SNAPC1: variants seen among roughly 807,000 people sequenced by gnomAD.
The protein encoded by SNAPC1 is small nuclear RNA activating complex polypeptide 1.
SNAPC1 carries 42 observed loss-of-function variants against 50.1 expected under a neutral mutation model. The observed-to-expected ratio is 0.84, with a 90% CI of 0.65 to 1.08. The LOEUF (loss-of-function observed/expected upper bound fraction) is 1.08. Ranked by LOEUF, SNAPC1 falls within the 50% of genes least tolerant of loss-of-function variation. The probability of loss-of-function intolerance (pLI) is 0.00; values close to 1 mark genes in which losing one functional copy is unlikely to be tolerated. For missense variants in SNAPC1, 477 were observed against 427.3 expected (o/e 1.12, Z -1.02); for synonymous variants, 164 against 144.2 (o/e 1.14, Z -0.98).
At chr14:61,788,419 G>A (rs748068016) in intron 8 of SNAPC1, among the ~76,000 whole-genome samples, 6 of 151,954 alleles carry the variant, frequency 3.9e-5, no homozygotes, top group Non-Finnish European at 7.4e-5. Flanking sequence ...TCCATAAAAG[G>A]CAAAAGATCT....
At chr14:61,769,462 A>G (rs140662031) in intron 4 of SNAPC1, among the ~76,000 whole-genome samples, 18,306 of 142,664 alleles carry the variant, frequency 0.13, 1,379 homozygotes, top group Non-Finnish European at 0.16. Context: ...CAGTGGTGCA[A>G]TCTCAGCTCA....
chr14:61,783,060 T>C (rs999333900), intron 8 of SNAPC1, among the ~76,000 whole-genome samples: 1 of 150,448 alleles, frequency 6.6e-6, no homozygotes, highest in Admixed American at 6.6e-5. Flanking sequence ...TTTGCTGTTG[T>C]TGCCCAGGCC....
chr14:61,783,655 C>G (rs1156334173), intron 8 of SNAPC1, among the ~76,000 whole-genome samples: 1 of 150,658 alleles, frequency 6.6e-6, no homozygotes, highest in Non-Finnish European at 1.5e-5. Flanking sequence ...CCTGTCTGAG[C>G]CTCCCAAGTA....
At chr14:61,763,551 G>T (rs1383436081) in intron 1 of SNAPC1, among the ~76,000 whole-genome samples, 1 of 131,692 alleles carries the variant, frequency 7.6e-6, no homozygotes, top group East Asian at 2.5e-4. Context: ...AGTTTCCACC[G>T]CAACTCTCTT....
chr14:61,786,459 T>C (rs1299319588), intron 8 of SNAPC1, among the ~76,000 whole-genome samples: 1 of 152,224 alleles, frequency 6.6e-6, no homozygotes, highest in Non-Finnish European at 1.5e-5. Flanking sequence ...TCAATAAATA[T>C]ACAGCCCACC....
chr14:61,781,817 A>G (rs761590619), intron 7 of SNAPC1, among the ~76,000 whole-genome samples: 1 of 152,198 alleles, frequency 6.6e-6, no homozygotes, highest in Non-Finnish European at 1.5e-5. Context: ...CCCACTCCCA[A>G]CAAATTACCC....
At position 61,795,857 on chromosome 14, in the gene SNAPC1, GT is replaced by G. The variant is rs67911009; in HGVS notation, c.*886del. ...TCCCTATCATGTTGTTGGCTCAACT[GT>G]TTTTTTTTTTTCCCTAATAGAGATG... On this transcript the variant is annotated 3_prime_UTR_variant, in exon 10 of 10. Coordinates refer to ENST00000216294, the MANE Select transcript of SNAPC1 (RefSeq NM_003082.4). 83 of 145,044 alleles carry G rather than the reference GT, an allele frequency of 5.7e-4. No individual in the cohort carries two copies. The highest frequency in any genetic ancestry group is 1.6e-3 in the African/African-American group (65 of 39,896). The allele number at this position is 145,044 out of a possible 1,614,324, so 9.0% of individuals were successfully genotyped here.
In SNAPC1 at chr14:61,795,138, A is replaced by G. The variant is rs1446131995; in HGVS notation, c.*155A>G. 7.9e-6 allele frequency: 4 copies of G among 508,044 alleles called. No individual in the cohort carries two copies. The highest frequency in any genetic ancestry group is 7.1e-5 in the Admixed American group (2 of 28,016). 31.5% of individuals were successfully genotyped at this position (508,044 alleles called of 1,614,324 possible). On this transcript the variant is annotated 3_prime_UTR_variant, in exon 10 of 10. Transcript: ENST00000216294. ...AAATTGCAATACGTAGTTCTAGAAT[A>G]AAAGTACAAAAAATTAGAATAAGAA...
At chr14:61,793,270 G>A (rs1454744064) in intron 9 of SNAPC1, among the ~76,000 whole-genome samples, 2 of 151,834 alleles carry the variant, frequency 1.3e-5, no homozygotes, top group Admixed American at 6.6e-5. Flanking sequence ...GGTCTTGCTG[G>A]GTTGCCCAGG....
chr14:61,788,798 AATTT>A (rs560719458), intron 8 of SNAPC1, among the ~76,000 whole-genome samples: 20 of 152,330 alleles, frequency 1.3e-4, no homozygotes, highest in East Asian at 1.9e-4. Flanking sequence ...AATTGCTAGG[AATTT>A]ATTCTGTACA....
chr14:61,772,466 A>G (rs1190753969), intron 4 of SNAPC1, among the ~76,000 whole-genome samples: 1 of 152,176 alleles, frequency 6.6e-6, no homozygotes, highest in Non-Finnish European at 1.5e-5. Context: ...GCTGGTCTTG[A>G]ACTCCTGACC....
chr14:61,771,890 G>A (rs566987228), intron 4 of SNAPC1, among the ~76,000 whole-genome samples: 1 of 152,290 alleles, frequency 6.6e-6, no homozygotes, highest in East Asian at 1.9e-4. Flanking sequence ...CTTTAAGAGA[G>A]CATCATGGGG....
chr14:61,791,343 G>T (rs931905185), intron 8 of SNAPC1, among the ~76,000 whole-genome samples: 1 of 151,846 alleles, frequency 6.6e-6, no homozygotes, highest in Non-Finnish European at 1.5e-5. Context: ...ATTATTTTTT[G>T]CTATCTTTCT....
intron 8 of SNAPC1, among the ~76,000 whole-genome samples, chr14:61,783,003 G>A (rs1408241772): frequency 2.0e-5 from 3 of 147,602 alleles, no homozygotes; most frequent in East Asian, 2.0e-4. Flanking sequence ...AATCAGTCTA[G>A]AATTTTCCAG....
Position 61,795,224 on chromosome 14 carries a change from A to G in SNAPC1, c.*241A>G. ...GAGATAAAACTTGTATTTAGTATGT[A>G]ATAGAAAAAATTCTGTTATTCGCAG... On this transcript the variant is annotated 3_prime_UTR_variant, in exon 10 of 10. Transcript: ENST00000216294. 1 of 444,520 alleles carries G rather than the reference A, an allele frequency of 2.2e-6. No homozygotes were observed. Among genetic ancestry groups the G allele is most frequent in the South Asian group, 3.3e-5 (1 of 29,996 alleles). 27.5% of individuals were successfully genotyped at this position (444,520 alleles called of 1,614,324 possible). A position where few individuals can be genotyped will look rare whatever the true frequency, so the allele number is the denominator to read the frequency against.
rs1208267694 is a variant in SNAPC1 at position 61,788,352 on chromosome 14, C to T, written c.977-4455C>T. ...TTCTCATTAATCAAACGTTCATTTCCATACAGTGGAAAGGTGTTTTTGATT... is the reference window on the plus strand; with the variant it reads ...TTCTCATTAATCAAACGTTCATTTCTATACAGTGGAAAGGTGTTTTTGATT... On this transcript the variant is annotated intron_variant, in intron 8 of 9. Transcript: ENST00000216294. Among the ~76,000 whole-genome samples the T allele has an allele frequency of 2.6e-5, 4 of 152,158 alleles. No homozygotes were observed. The South Asian group carries it at 8.3e-4, about 31-fold the overall frequency.
intron 9 of SNAPC1, 71 bp downstream of exon 9, chr14:61,792,973 C>G (rs932052885): frequency 1.4e-6 from 1 of 717,008 alleles, no homozygotes. Context: ...GGTTTAGAAC[C>G]CTTGAGGAAC....
At chr14:61,789,983 G>A (rs1395771363) in intron 8 of SNAPC1, among the ~76,000 whole-genome samples, 1 of 152,184 alleles carries the variant, frequency 6.6e-6, no homozygotes, top group Non-Finnish European at 1.5e-5. Context: ...AGGAATTAGA[G>A]AAGCAAGGCT....
chr14:61,768,837 C>A, intron 4 of SNAPC1, 97 bp downstream of exon 4: 2 of 634,274 alleles, frequency 3.2e-6, no homozygotes, highest in Non-Finnish European at 2.8e-6. Flanking sequence ...ACTGATTTTT[C>A]TAATGATTTT....
Sources: gnomAD v4.1 joint callset for allele counts (sites outside exome capture counted in the v4.1 genomes callset) on GRCh38, gnomAD v4.1.1 for gene constraint, MANE v1.5 for transcripts, NCBI Gene and HGNC (gene_info 2026-07-23, HGNC 2026-07-21) for gene names.